Variants in XDH observed in about 807,000 individuals in gnomAD.
XDH encodes xanthine dehydrogenase, also known as xanthine dehydrogenase/oxidase.
In XDH, 138 loss-of-function variants were observed where a neutral mutation model predicts 156.1. The ratio of observed to expected loss-of-function variants is 0.88; its 90% CI spans 0.77 to 1.02. XDH has a LOEUF of 1.02. XDH is among the 50% of genes least tolerant of loss of function. The probability of loss-of-function intolerance (pLI) is 0.00; values close to 1 mark genes in which losing one functional copy is unlikely to be tolerated. For missense variants in XDH, 1,849 were observed against 1,684.9 expected (o/e 1.10, Z -1.71); for synonymous variants, 669 against 625.7 (o/e 1.07, Z -1.03).
intron 20 of XDH, 147 bp downstream of exon 20, chr2:31,367,814 C>T: frequency 1.2e-6 from 1 of 804,800 alleles, no homozygotes; most frequent in Non-Finnish European, 2.2e-6. Context: ...CCAACTGTCT[C>T]CTATTTTGCT....
At position 31,368,532 on chromosome 2, in the gene XDH, C is replaced by G. The variant is rs757303941; in HGVS notation, c.2100+9G>C. 3.1e-6 allele frequency: 5 copies of G among 1,614,070 alleles called. No individual in the cohort carries two copies. The South Asian group carries it at 5.5e-5, about 18-fold the overall frequency. ...CACTCCTCTACACAGGCAGCCCATT[C>G]TCAGTTACCTCAATTGTGATAATGG... On this transcript the variant is annotated intron_variant, in intron 19 of 35. Transcript: ENST00000379416.
intron 24 of XDH, among the ~76,000 whole-genome samples, chr2:31,353,011 G>A (rs528169173): frequency 2.2e-4 from 33 of 147,132 alleles, no homozygotes; most frequent in African/African-American, 6.8e-4. Flanking sequence ...ATGAGCCACC[G>A]CACCCAGCCA....
intron 18 of XDH, among the ~76,000 whole-genome samples, chr2:31,369,803 A>C (rs750911606): frequency 6.6e-6 from 1 of 152,190 alleles, no homozygotes; most frequent in Non-Finnish European, 1.5e-5. Context: ...AGAAGTACCC[A>C]CTCATGTCTA....
At chr2:31,343,150 C>G (rs941978060) in intron 31 of XDH, among the ~76,000 whole-genome samples, 5 of 151,816 alleles carry the variant, frequency 3.3e-5, no homozygotes, top group Non-Finnish European at 7.4e-5. Context: ...TCACCATGCT[C>G]CTCTGCTTTG....
At chr2:31,343,898 A>T (rs1239969702) in intron 31 of XDH, among the ~76,000 whole-genome samples, 4 of 151,814 alleles carry the variant, frequency 2.6e-5, no homozygotes, top group African/African-American at 7.3e-5. Context: ...ACATATATAT[A>T]TTTATGCATC....
intron 28 of XDH, 35 bp downstream of exon 28, chr2:31,348,233 C>A (rs1685354700): frequency 6.2e-7 from 1 of 1,606,496 alleles, no homozygotes; most frequent in South Asian, 1.1e-5. Flanking sequence ...CTTCCTCTAA[C>A]AACGGACACA....
rs1444744572 is a variant in XDH, at chr2:31,375,483, G to T, written c.1499C>A (p.Ala500Asp). 6.2e-7 allele frequency: 1 copy of T among 1,614,136 alleles called. No homozygotes were observed. Among genetic ancestry groups the T allele is most frequent in the South Asian group, 1.1e-5 (1 of 91,078 alleles). ...CCGGAAGTCCACCATGCCACCAGGG[G>T]CATCGGGAGGCAGATGCAGCTCCTC... is the stretch of plus-strand genomic sequence containing the variant. ...LAEELHLPPD[A>D]PGGMVDFRCT... The change falls in exon 15 of 36, where the codon GCC becomes GAC. Residue 500 changes from alanine (A) to aspartate (D), a missense_variant. By Grantham distance (126) the Ala-to-Asp change is moderately radical. Transcript: ENST00000379416.
At chr2:31,381,773 C>T (rs1458374967) in intron 11 of XDH, 47 bp from the exon 12 acceptor site, 1 of 1,553,266 alleles carries the variant, frequency 6.4e-7, no homozygotes, top group Non-Finnish European at 8.8e-7. Flanking sequence ...CCAGGAAACC[C>T]CTGCTCACGT....
chr2:31,389,264 T>C lies in XDH; in HGVS notation c.496-969A>G, dbSNP rs1335261659. On this transcript the variant is annotated intron_variant, in intron 6 of 35. Coordinates refer to ENST00000379416, the MANE Select transcript of XDH (RefSeq NM_000379.4). ...GTTGTCTTCTGCAAGAAAGCACTCATGGGATGCTGGAGGTGTGACCTTGGA... is the reference window on the plus strand; with the variant it reads ...GTTGTCTTCTGCAAGAAAGCACTCACGGGATGCTGGAGGTGTGACCTTGGA... 2.0e-5 allele frequency among the ~76,000 whole-genome samples: 3 copies of C among 152,148 alleles called. No individual in the cohort carries two copies. The East Asian group carries it at 5.8e-4, about 29-fold the overall frequency.
In XDH at chr2:31,381,721, A is replaced by G; in HGVS notation, c.1044T>C (p.Val348=). ...GGCTGGCAGTGATGATGTTCCCTCC[A>G]ACGGACTAAAACAAGCAGAGAGCAT... ...AGKQVKSVAS[V]GGNIITASPI... is the part of the protein sequence containing the mutation. The change falls in exon 12 of 36, where the codon GTT becomes GTC. Residue 348 remains valine, a synonymous_variant. Coordinates refer to ENST00000379416, the MANE Select transcript of XDH (RefSeq NM_000379.4). 3 of 1,612,982 alleles carry G rather than the reference A, an allele frequency of 1.9e-6. No individual in the cohort carries two copies. Among genetic ancestry groups the G allele is most frequent in the Non-Finnish European group, 2.5e-6 (3 of 1,179,534 alleles).
chr2:31,365,396 G>A lies in XDH; in HGVS notation c.2544+61C>T, dbSNP rs971043056. 63 of 1,577,740 alleles carry A rather than the reference G, an allele frequency of 4.0e-5. No individual in the cohort carries two copies. The African/African-American group carries it at 5.1e-4, about 13-fold the overall frequency. On this transcript the variant is annotated intron_variant, in intron 23 of 35. Coordinates refer to ENST00000379416, the MANE Select transcript of XDH (RefSeq NM_000379.4). ...TGCAGCTCAGGATGCCTGGACATTC[G>A]GTCCCAGCTTTCCTCACAAAATGGC...
intron 24 of XDH, among the ~76,000 whole-genome samples, chr2:31,353,530 AC>A (rs749036346): frequency 2.6e-5 from 4 of 152,206 alleles, no homozygotes; most frequent in Non-Finnish European, 5.9e-5. Flanking sequence ...GGACTTTGCA[AC>A]CCAAGGAATG....
At chr2:31,349,925 G>A in intron 25 of XDH, 94 bp from the exon 26 acceptor site, 1 of 1,611,370 alleles carries the variant, frequency 6.2e-7, no homozygotes, top group Non-Finnish European at 8.5e-7. Flanking sequence ...CCCCTCAGCA[G>A]CCCCTGCCTG....
intron 24 of XDH, among the ~76,000 whole-genome samples, chr2:31,362,208 C>T (rs1038800355): frequency 3.3e-5 from 5 of 152,078 alleles, no homozygotes; most frequent in East Asian, 1.9e-4. Context: ...GTGCTATGTT[C>T]GAGGCACCAT....
At position 31,366,134 on chromosome 2, in the gene XDH, G is replaced by A. The variant is rs377541370; in HGVS notation, c.2323-25C>T. On this transcript the variant is annotated intron_variant, in intron 21 of 35. Coordinates refer to ENST00000379416, the MANE Select transcript of XDH (RefSeq NM_000379.4). ...TCTGTGAGTGAAAGACAGAACATTC[G>A]CACTGAATGCATTACCTGAACTTAT... 1.7e-5 allele frequency: 27 copies of A among 1,614,034 alleles called. 1 individual carries two copies. Among genetic ancestry groups the A allele is most frequent in the African/African-American group, 2.7e-5 (2 of 74,908 alleles).
Position 31,406,043 on chromosome 2 carries a change from C to T in XDH, c.43-79G>A, listed in dbSNP as rs1381868899. 23 of 1,473,548 alleles carry T rather than the reference C, an allele frequency of 1.6e-5. No homozygotes were observed. In the Middle Eastern group the frequency reaches 5.2e-4, roughly 33 times the overall value. The allele number at this position is 1,473,548 out of a possible 1,614,324, so 91.3% of individuals were successfully genotyped here. A position where few individuals can be genotyped will look rare whatever the true frequency, so the allele number is the denominator to read the frequency against. On this transcript the variant is annotated intron_variant, in intron 1 of 35. Transcript: ENST00000379416. ...TGCAATTAATTTCTTCCTTCAGTGT[C>T]TCACTCAATAATTTGTAGAGTTAGT...
intron 2 of XDH, among the ~76,000 whole-genome samples, chr2:31,404,153 G>A (rs1572570533): frequency 6.6e-6 from 1 of 152,002 alleles, no homozygotes; most frequent in East Asian, 1.9e-4. Context: ...ACGTTACCCT[G>A]CCGGTGTGGC....
rs202023189 is a variant in XDH, at chr2:31,339,614, C to T, written c.3649G>A (p.Glu1217Lys). The T allele has an allele frequency of 6.1e-5, 99 of 1,613,940 alleles. No individual in the cohort carries two copies. The highest frequency in any genetic ancestry group is 3.3e-4 in the Middle Eastern group (2 of 6,084). ...GGGCCACGGGTGTGCAGGCTCCCCT[C>T]GGGGGAATAGTGTAGCTCCTCTAGG... ...FTLEELHYSP[E>K]GSLHTRGPST... Residue 1217 changes from glutamate (E) to lysine (K), a missense_variant, in exon 34 of 36, where the codon GAG becomes AAG. Glu to Lys is a moderately conservative substitution (Grantham distance 56, BLOSUM62 1). Transcript: ENST00000379416.
intron 1 of XDH, among the ~76,000 whole-genome samples, chr2:31,409,854 T>C (rs762075063): frequency 1.3e-5 from 2 of 152,086 alleles, no homozygotes; most frequent in Non-Finnish European, 2.9e-5. Context: ...AAAGTAAAAA[T>C]AGAACCAGCA....
Sources: gnomAD v4.1 joint callset for allele counts (sites outside exome capture counted in the v4.1 genomes callset) on GRCh38, gnomAD v4.1.1 for gene constraint, MANE v1.5 for transcripts, NCBI Gene and HGNC (gene_info 2026-07-23, HGNC 2026-07-21) for gene names.